Variants in SVEP1 observed in about 807,000 individuals in gnomAD.
SVEP1 encodes sushi, von Willebrand factor type A, EGF and pentraxin domain-containing protein 1.
In SVEP1, 164 loss-of-function variants were observed where a neutral mutation model predicts 367.3. That is an observed-to-expected ratio of 0.45 (90% CI 0.39 to 0.51). The LOEUF is 0.51. Among genes scored for constraint, SVEP1 ranks in the 20% least tolerant of loss-of-function variants. SVEP1 has a pLI of 0.00. For synonymous variants in SVEP1, 1,666 were observed against 1,611.6 expected (o/e 1.03, Z -0.81); for missense variants, 4,117 against 4,425.3 (o/e 0.93, Z 1.98).
chr9:110,514,369 T>C (rs1354654108), intron 3 of SVEP1, among the ~76,000 whole-genome samples: 6 of 151,678 alleles, frequency 4.0e-5, no homozygotes. Flanking sequence ...AAAAATTAGC[T>C]GGGTGTGGTG....
intron 2 of SVEP1, 51 bp downstream of exon 2, chr9:110,549,798 A>G: frequency 1.3e-6 from 2 of 1,597,718 alleles, no homozygotes; most frequent in East Asian, 2.2e-5. Flanking sequence ...AGTGAGAGGC[A>G]AGGAAGCCTC....
intron 6 of SVEP1, among the ~76,000 whole-genome samples, chr9:110,501,816 C>T (rs1004533277): frequency 1.3e-5 from 2 of 152,080 alleles, no homozygotes; most frequent in Non-Finnish European, 2.9e-5. Context: ...TTCCAATTTG[C>T]TATAATGAAG....
intron 1 of SVEP1, among the ~76,000 whole-genome samples, chr9:110,560,715 C>T (rs913929059): frequency 6.6e-6 from 1 of 152,182 alleles, no homozygotes; most frequent in Non-Finnish European, 1.5e-5. Flanking sequence ...TCTTTCAAGT[C>T]TGAAATCTGG....
At chr9:110,424,435 AAATT>A (rs1236741602) in intron 36 of SVEP1, among the ~76,000 whole-genome samples, 7 of 152,222 alleles carry the variant, frequency 4.6e-5, no homozygotes, top group African/African-American at 9.6e-5. Flanking sequence ...TAAAATATAT[AAATT>A]AATAGGATAT....
At chr9:110,511,254 T>G (rs959630930) in intron 5 of SVEP1, among the ~76,000 whole-genome samples, 1 of 152,184 alleles carries the variant, frequency 6.6e-6, no homozygotes, top group African/African-American at 2.4e-5. Context: ...ATTTTCAAAA[T>G]TTCAGCTCAG....
intron 1 of SVEP1, among the ~76,000 whole-genome samples, chr9:110,557,091 G>A (rs1314856918): frequency 6.6e-6 from 1 of 152,110 alleles, no homozygotes; most frequent in Non-Finnish European, 1.5e-5. Context: ...AATCTCAGGT[G>A]TTCTTCAGTT....
Position 110,499,118 on chromosome 9 carries a change from A to G in SVEP1, c.1604T>C (p.Leu535Ser). 6.2e-7 allele frequency: 1 copy of G among 1,613,824 alleles called. No homozygotes were observed. Reference protein sequence around the residue: ...CYVSCRQGFILSGVKEMLRCT... With the variant: ...CYVSCRQGFISSGVKEMLRCT... ...TCTCAGCATTTCTTTGACTCCAGATAAAATGAACCCTTGGCGGCAACTTAC... is the reference window on the plus strand; with the variant it reads ...TCTCAGCATTTCTTTGACTCCAGATGAAATGAACCCTTGGCGGCAACTTAC... The change falls in exon 7 of 48, where the codon TTA becomes TCA. Residue 535 changes from leucine (L) to serine (S), a missense_variant. Leu to Ser is a moderately radical substitution (Grantham distance 145). Coordinates refer to ENST00000374469, the MANE Select transcript of SVEP1 (RefSeq NM_153366.4).
chr9:110,561,260 T>G (rs1454721943), intron 1 of SVEP1, among the ~76,000 whole-genome samples: 1 of 152,192 alleles, frequency 6.6e-6, no homozygotes, highest in Non-Finnish European at 1.5e-5. Flanking sequence ...CTTCCAACTT[T>G]AGATCAAAGT....
chr9:110,370,696 C>A (rs960474594), intron 46 of SVEP1, among the ~76,000 whole-genome samples: 9 of 152,128 alleles, frequency 5.9e-5, no homozygotes, highest in African/African-American at 2.2e-4. Context: ...ATCTCATAAC[C>A]AAACTCTTCA....
Position 110,579,291 on chromosome 9 carries a change from C to G in SVEP1, c.253G>C (p.Val85Leu). 6.4e-7 allele frequency: 1 copy of G among 1,571,426 alleles called. No individual in the cohort carries two copies. The highest frequency in any genetic ancestry group is 8.6e-7 in the Non-Finnish European group (1 of 1,159,880). ...LRELSERLEL[V>L]FLVDDSSSVG... ...CTGGACGAATCATCCACCAGGAAGACAAGCTCCAGGCGCTCGCTGAGCTCC... is the reference window on the plus strand; with the variant it reads ...CTGGACGAATCATCCACCAGGAAGAGAAGCTCCAGGCGCTCGCTGAGCTCC... Residue 85 changes from valine to leucine, a missense_variant, in exon 1 of 48, where the codon GTC becomes CTC. Transcript: ENST00000374469. The surrounding 1 kb of genome is among the most constrained non-coding windows in gnomAD (Gnocchi z 5.3).
chr9:110,456,920 G>GACAATC (rs1169221869), intron 21 of SVEP1, among the ~76,000 whole-genome samples: 1 of 152,136 alleles, frequency 6.6e-6, no homozygotes, highest in Non-Finnish European at 1.5e-5. Context: ...GTTTATACTG[G>GACAATC]ACAATCTGTT....
intron 5 of SVEP1, among the ~76,000 whole-genome samples, chr9:110,504,021 TTTTA>T (rs1829582558): frequency 4.6e-3 from 1 of 218 alleles, no homozygotes; most frequent in South Asian, 0.056. Context: ...CTTTTTATTT[TTTTA>T]TTTTATTTTA....
intron 40 of SVEP1, among the ~76,000 whole-genome samples, chr9:110,396,660 G>T (rs1414673802): frequency 1.6e-5 from 2 of 124,410 alleles, no homozygotes. Flanking sequence ...TGATAGAGGG[G>T]ATATCACCAC....
At chr9:110,388,551 G>A (rs1827562241) in intron 41 of SVEP1, among the ~76,000 whole-genome samples, 2 of 152,136 alleles carry the variant, frequency 1.3e-5, no homozygotes, top group Non-Finnish European at 2.9e-5. Context: ...ATTCAAATGT[G>A]AACTCAGAGT....
intron 18 of SVEP1, among the ~76,000 whole-genome samples, chr9:110,465,265 A>G (rs1197761937): frequency 6.6e-6 from 1 of 151,900 alleles, no homozygotes; most frequent in African/African-American, 2.4e-5. Flanking sequence ...AGATTTTCCT[A>G]ATCACTTCAA....
chr9:110,415,970 C>T (rs945941766), intron 36 of SVEP1, among the ~76,000 whole-genome samples: 2 of 151,934 alleles, frequency 1.3e-5, no homozygotes, highest in Non-Finnish European at 2.9e-5. Context: ...ACACCATTCA[C>T]TTTGTATGGA....
chr9:110,383,922 C>A (rs1311184020), intron 43 of SVEP1, among the ~76,000 whole-genome samples: 1 of 151,498 alleles, frequency 6.6e-6, no homozygotes, highest in African/African-American at 2.4e-5. Context: ...TGGGGAATTC[C>A]TCCTCTGTCC....
At chr9:110,457,200 G>C (rs1828788574) in intron 21 of SVEP1, 56 bp downstream of exon 21, 6 of 1,401,418 alleles carry the variant, frequency 4.3e-6, no homozygotes, top group Non-Finnish European at 5.9e-6. Flanking sequence ...GATACTGCAA[G>C]TCATAATGAT....
chr9:110,387,262 T>C, intron 42 of SVEP1, 23 bp downstream of exon 42: 1 of 1,550,812 alleles, frequency 6.4e-7, no homozygotes, highest in Non-Finnish European at 8.7e-7. Flanking sequence ...CTGATTAAAA[T>C]TTCTCCTAAA....
Sources: allele counts gnomAD v4.1 joint callset (sites outside exome capture counted in the v4.1 genomes callset), GRCh38; gene constraint gnomAD v4.1.1; non-coding constraint Gnocchi (gnomAD v3.1); transcripts MANE v1.5; gene names NCBI Gene and HGNC (gene_info 2026-07-23, HGNC 2026-07-21).